CREB5: variants seen among roughly 807,000 people sequenced by gnomAD.
The protein encoded by CREB5 is cAMP responsive element binding protein 5.
Under a neutral mutation model 57.1 loss-of-function variants are expected in CREB5, and 19 were observed. That is an observed-to-expected ratio of 0.33 (90% CI 0.23 to 0.49). The LOEUF (loss-of-function observed/expected upper bound fraction) is 0.49, where lower values mean the gene tolerates loss of function less well. Among genes scored for constraint, CREB5 ranks in the 20% least tolerant of loss-of-function variants. CREB5 has a pLI of 0.99. For synonymous variants in CREB5, 238 were observed against 238.3 expected, an observed-to-expected ratio of 1.00 and a Z score of 0.01; for missense variants, 579 against 671.6, an observed-to-expected ratio of 0.86 and a Z score of 1.52.
chr7:28,771,042 A>G (rs1343884460), intron 7 of CREB5, among the ~76,000 whole-genome samples: 4 of 152,180 alleles, frequency 2.6e-5, no homozygotes, highest in Admixed American at 6.5e-5. Flanking sequence ...AAATCACAAA[A>G]TTTTGTCAAT....
intron 5 of CREB5, among the ~76,000 whole-genome samples, chr7:28,622,472 A>G (rs1797843440): frequency 6.6e-6 from 1 of 152,210 alleles, no homozygotes; most frequent in South Asian, 2.1e-4. Flanking sequence ...GCGTAGAAAG[A>G]ACAAAAAGAA....
chr7:28,325,120 C>T (rs1472777542), intron 1 of CREB5, among the ~76,000 whole-genome samples: 1 of 152,178 alleles, frequency 6.6e-6, no homozygotes, highest in African/African-American at 2.4e-5. Flanking sequence ...CACTTATACA[C>T]TTATAGTCCT....
rs569555214 is a variant in CREB5 at position 28,795,685 on chromosome 7, GCTTT to G, written c.703-8509_703-8506del. 4.6e-5 allele frequency among the ~76,000 whole-genome samples: 7 copies of G among 151,794 alleles called. No individual in the cohort carries two copies. In the East Asian group the frequency reaches 1.4e-3, roughly 29 times the overall value. The stretch of plus-strand genomic sequence containing the variant: ...TCAGAAGAAAAGACATTCTTCTTTT[GCTTT>G]CTTTTTTAAAATATTGTTTAAATTG... On this transcript the variant is annotated intron_variant, in intron 7 of 10. Coordinates refer to ENST00000357727, the MANE Select transcript of CREB5 (RefSeq NM_182898.4).
At chr7:28,682,631 G>A (rs1416240310) in intron 5 of CREB5, among the ~76,000 whole-genome samples, 4 of 146,402 alleles carry the variant, frequency 2.7e-5, no homozygotes, top group Admixed American at 2.7e-4. Context: ...AACAACATTT[G>A]AAAGAAGATG....
At chr7:28,517,672 T>A (rs1467657315) in intron 4 of CREB5, among the ~76,000 whole-genome samples, 3 of 152,104 alleles carry the variant, frequency 2.0e-5, no homozygotes, top group Non-Finnish European at 4.4e-5. Flanking sequence ...GCTAGGCTGT[T>A]TTCTTTGGGT....
intron 4 of CREB5, among the ~76,000 whole-genome samples, chr7:28,521,197 G>A (rs1337908285): frequency 1.3e-5 from 2 of 152,090 alleles, no homozygotes; most frequent in Non-Finnish European, 1.5e-5. Flanking sequence ...TGTGTTTATG[G>A]TATTACAAAG....
intron 1 of CREB5, among the ~76,000 whole-genome samples, chr7:28,338,889 A>G (rs894908500): frequency 6.6e-6 from 1 of 151,776 alleles, no homozygotes; most frequent in Non-Finnish European, 1.5e-5. Flanking sequence ...CTTCTGCTTG[A>G]TCAGTTCTGC....
chr7:28,546,567 G>A (rs1022414355), intron 4 of CREB5, among the ~76,000 whole-genome samples: 1 of 152,196 alleles, frequency 6.6e-6, no homozygotes, highest in South Asian at 2.1e-4. Flanking sequence ...TGCATCACTG[G>A]CCTGTGTAGT....
chr7:28,513,705 G>A (rs1041432881), intron 4 of CREB5: 7 of 152,178 alleles, frequency 4.6e-5, no homozygotes, highest in African/African-American at 1.7e-4. Context: ...ATCCCACTCA[G>A]GGGAATGACT....
chr7:28,453,418 G>A (rs537896733), intron 1 of CREB5, among the ~76,000 whole-genome samples: 1 of 152,072 alleles, frequency 6.6e-6, no homozygotes, highest in East Asian at 1.9e-4. Context: ...CAGCCTGGGT[G>A]ACAGAGCGAG....
intron 1 of CREB5, among the ~76,000 whole-genome samples, chr7:28,461,578 T>C (rs555152375): frequency 2.0e-3 from 311 of 152,254 alleles, no homozygotes; most frequent in African/African-American, 7.3e-3. Context: ...AGTAATGAAA[T>C]ATGTATATCT....
In CREB5 at chr7:28,489,543, C is replaced by T. The variant is rs533686300; in HGVS notation, c.75+1297C>T. ...GTCTCGATCTCCTGACCTCATGATCCGCCTGCCTCGGCCTCCCAAAGTGCT... is the reference window on the plus strand; with the variant it reads ...GTCTCGATCTCCTGACCTCATGATCTGCCTGCCTCGGCCTCCCAAAGTGCT... On this transcript the variant is annotated intron_variant, in intron 2 of 10. Transcript: ENST00000357727. Among the ~76,000 whole-genome samples the T allele has an allele frequency of 2.6e-5, 4 of 152,088 alleles. No individual in the cohort carries two copies. In the South Asian group the frequency reaches 6.2e-4, roughly 24 times the overall value.
intron 1 of CREB5, among the ~76,000 whole-genome samples, chr7:28,344,040 T>C (rs891604445): frequency 2.6e-5 from 4 of 152,006 alleles, no homozygotes; most frequent in Admixed American, 6.5e-5. Context: ...GTCCATGTTT[T>C]AATTGATTTT....
chr7:28,371,187 G>C (rs912478205), intron 1 of CREB5, among the ~76,000 whole-genome samples: 2 of 152,096 alleles, frequency 1.3e-5, no homozygotes, highest in Admixed American at 6.6e-5. Flanking sequence ...AAGATTCAGG[G>C]AGGATGGGCA....
chr7:28,365,980 A>C (rs986866632), intron 1 of CREB5, among the ~76,000 whole-genome samples: 2 of 152,210 alleles, frequency 1.3e-5, no homozygotes, highest in African/African-American at 4.8e-5. Flanking sequence ...GACATCTTAA[A>C]ACTGTTATAT....
intron 1 of CREB5, among the ~76,000 whole-genome samples, chr7:28,427,780 A>G (rs1159089838): frequency 6.6e-6 from 1 of 152,048 alleles, no homozygotes; most frequent in Admixed American, 6.6e-5. Flanking sequence ...CTAGGCACTC[A>G]ATCTATTTCT....
intron 2 of CREB5, chr7:28,491,252 G>A: frequency 1.0e-6 from 1 of 985,474 alleles, no homozygotes; most frequent in Non-Finnish European, 1.2e-6. Context: ...AGAAACCAGT[G>A]AGACAGAAGG....
At chr7:28,589,380 C>T (rs1450675383) in intron 5 of CREB5, among the ~76,000 whole-genome samples, 1 of 152,002 alleles carries the variant, frequency 6.6e-6, no homozygotes, top group African/African-American at 2.4e-5. Flanking sequence ...CAGTGAAACC[C>T]CATCTCTACT....
chr7:28,398,337 G>A (rs1198251680), intron 1 of CREB5, among the ~76,000 whole-genome samples: 6 of 152,146 alleles, frequency 3.9e-5, no homozygotes, highest in Non-Finnish European at 8.8e-5. Context: ...AGGCTTTGTG[G>A]CAAAGGTAGA....
Sources: allele counts gnomAD v4.1 joint callset (sites outside exome capture counted in the v4.1 genomes callset), GRCh38; gene constraint gnomAD v4.1.1; transcripts MANE v1.5; gene names NCBI Gene and HGNC (gene_info 2026-07-23, HGNC 2026-07-21).